Variants in NOSTRIN observed in about 807,000 individuals in gnomAD.
NOSTRIN encodes the protein nitric oxide synthase trafficking.
NOSTRIN carries 63 observed loss-of-function variants against 59.0 expected under a neutral mutation model. That is an observed-to-expected ratio of 1.07 (90% CI 0.87 to 1.32). NOSTRIN has a LOEUF of 1.32. Among genes scored for constraint, NOSTRIN ranks in the 40% most tolerant of loss-of-function variants. The pLI is 0.00. For missense variants in NOSTRIN, 512 were observed against 473.1 expected, an observed-to-expected ratio of 1.08 and a Z score of -0.76; for synonymous variants, 200 against 165.4, an observed-to-expected ratio of 1.21 and a Z score of -1.61.
intron 8 of NOSTRIN, among the ~76,000 whole-genome samples, 184 bp downstream of exon 8, chr2:168,843,301 T>A (rs1688207645): frequency 6.6e-6 from 1 of 152,216 alleles, no homozygotes; most frequent in African/African-American, 2.4e-5. Flanking sequence ...CAATTACCAG[T>A]GACAATTTAT....
Position 168,856,768 on chromosome 2 carries a change from T to TA in NOSTRIN, c.1045dup (p.Met349AsnfsTer3). The TA allele has an allele frequency of 6.2e-7, 1 of 1,613,990 alleles. No homozygotes were observed. The highest frequency in any genetic ancestry group is 8.5e-7 in the Non-Finnish European group (1 of 1,179,878). ...AAGAGCCAGAAAGACACAGCAGCGTTAATGGATGAGGTAAATGTTTGCCGA... is the reference window on the plus strand; with the variant it reads ...AAGAGCCAGAAAGACACAGCAGCGTTAAATGGATGAGGTAAATGTTTGCCGA... On this transcript the variant is annotated frameshift_variant, in exon 12 of 16. Coordinates refer to ENST00000317647, the MANE Select transcript of NOSTRIN (RefSeq NM_001039724.4). LOFTEE classifies it high-confidence loss of function.
intron 2 of NOSTRIN, among the ~76,000 whole-genome samples, chr2:168,817,249 G>A (rs371405283): frequency 1.3e-5 from 2 of 152,200 alleles, no homozygotes; most frequent in Non-Finnish European, 2.9e-5. Flanking sequence ...TGCCCTGGGT[G>A]ACCCAACATG....
intron 7 of NOSTRIN, among the ~76,000 whole-genome samples, chr2:168,840,327 G>A (rs892176540): frequency 6.6e-6 from 1 of 152,010 alleles, no homozygotes; most frequent in East Asian, 1.9e-4. Flanking sequence ...TCAGGAGATC[G>A]AGACCATCCG....
chr2:168,850,334 C>A lies in NOSTRIN; in HGVS notation c.631-750C>A, dbSNP rs577610179. Reference sequence around the variant, plus strand: ...TGTCATCTCACACAAAATAAAGAGGCTATGTGTCTACCTGCAAACAGCGGA... The same window carrying A: ...TGTCATCTCACACAAAATAAAGAGGATATGTGTCTACCTGCAAACAGCGGA... On this transcript the variant is annotated intron_variant, in intron 8 of 15. Coordinates refer to ENST00000317647, the MANE Select transcript of NOSTRIN (RefSeq NM_001039724.4). Among the ~76,000 whole-genome samples the A allele has an allele frequency of 2.6e-5, 4 of 152,282 alleles. No homozygotes were observed. In the East Asian group the frequency reaches 5.8e-4, roughly 22 times the overall value.
At chr2:168,838,164 C>T (rs1343081963) in intron 7 of NOSTRIN, among the ~76,000 whole-genome samples, 3 of 152,204 alleles carry the variant, frequency 2.0e-5, no homozygotes, top group Non-Finnish European at 2.9e-5. Flanking sequence ...TTTCTGACTC[C>T]TTAAACTCAA....
chr2:168,864,239 C>A (rs1445628584), intron 15 of NOSTRIN, among the ~76,000 whole-genome samples: 2 of 151,074 alleles, frequency 1.3e-5, no homozygotes, highest in Admixed American at 6.6e-5. Context: ...GGCCTCCCAA[C>A]GTGCTGGGAT....
intron 7 of NOSTRIN, among the ~76,000 whole-genome samples, chr2:168,836,061 C>G (rs1687700372): frequency 6.6e-6 from 1 of 152,224 alleles, no homozygotes; most frequent in African/African-American, 2.4e-5. Context: ...GTAGCTCTTT[C>G]ATCTGAAGAA....
chr2:168,857,540 C>T (rs568291657), intron 12 of NOSTRIN, among the ~76,000 whole-genome samples: 6 of 152,022 alleles, frequency 3.9e-5, no homozygotes, highest in African/African-American at 9.7e-5. Context: ...CATAGACATT[C>T]GTGGGGATTG....
chr2:168,864,294 T>TTCTGAGACAGAGTC (rs1689703891), intron 15 of NOSTRIN, among the ~76,000 whole-genome samples: 2 of 151,616 alleles, frequency 1.3e-5, no homozygotes, highest in South Asian at 2.1e-4. Flanking sequence ...TGTTTTTTTT[T>TTCTGAGACAGAGTC]TTCTGAGACA....
intron 8 of NOSTRIN, 169 bp from the exon 9 acceptor site, chr2:168,850,915 A>G: frequency 2.5e-6 from 2 of 799,298 alleles, no homozygotes; most frequent in Non-Finnish European, 4.3e-6. Flanking sequence ...AGATACCAAG[A>G]CACATTCCTT....
intron 2 of NOSTRIN, among the ~76,000 whole-genome samples, chr2:168,822,787 C>T (rs915010194): frequency 2.6e-5 from 4 of 152,120 alleles, no homozygotes; most frequent in African/African-American, 9.7e-5. Flanking sequence ...GGAGGGCATG[C>T]CCAGACTTCC....
Position 168,851,417 on chromosome 2 carries a change from T to G in NOSTRIN, c.855+13T>G. On this transcript the variant is annotated intron_variant, in intron 10 of 15. Coordinates refer to ENST00000317647, the MANE Select transcript of NOSTRIN (RefSeq NM_001039724.4). ...AACGGATTACTTTGTGAGTATGAAA[T>G]GGAAAAAAAAAGTTACATTAATGGA... 1 of 1,586,336 alleles carries G rather than the reference T, an allele frequency of 6.3e-7. No homozygotes were observed. The highest frequency in any genetic ancestry group is 1.2e-5 in the South Asian group (1 of 85,790).
At chr2:168,798,765 G>GT (rs1252579033), upstream of NOSTRIN, among the ~76,000 whole-genome samples, 1 of 152,108 alleles carries the variant, frequency 6.6e-6, no homozygotes, top group African/African-American at 2.4e-5. Context: ...TTCAGAAAGT[G>GT]TGAATGGCAT....
intron 14 of NOSTRIN, 86 bp downstream of exon 14, chr2:168,860,995 T>G (rs992752274): frequency 1.2e-6 from 1 of 822,838 alleles, no homozygotes; most frequent in African/African-American, 1.7e-5. Flanking sequence ...AGAGCCACTT[T>G]GACCTGTATC....
upstream of NOSTRIN, among the ~76,000 whole-genome samples, chr2:168,795,107 T>C (rs934053259): frequency 1.3e-4 from 20 of 152,214 alleles, no homozygotes; most frequent in African/African-American, 4.8e-4. Context: ...CAATGATTTA[T>C]AGGAAATAAC....
chr2:168,860,718 G>A, intron 13 of NOSTRIN, 77 bp from the exon 14 acceptor site: 2 of 892,498 alleles, frequency 2.2e-6, no homozygotes, highest in Non-Finnish European at 3.5e-6. Flanking sequence ...GAGGAAAACA[G>A]CTACAGAAGA....
At chr2:168,799,523 T>C (rs1685563270), upstream of NOSTRIN, among the ~76,000 whole-genome samples, 1 of 152,172 alleles carries the variant, frequency 6.6e-6, no homozygotes, top group African/African-American at 2.4e-5. Flanking sequence ...CCTCAGTGGC[T>C]GAAGACAACT....
intron 8 of NOSTRIN, among the ~76,000 whole-genome samples, chr2:168,846,327 T>C (rs1688421437): frequency 1.3e-5 from 2 of 152,202 alleles, no homozygotes; most frequent in South Asian, 4.1e-4. Flanking sequence ...CTCCATTCTT[T>C]CACCATTCTT....
chr2:168,824,596 G>A (rs756836616), intron 2 of NOSTRIN, 38 bp from the exon 3 acceptor site: 3 of 864,940 alleles, frequency 3.5e-6, no homozygotes, highest in South Asian at 1.3e-5. Context: ...ACTGTGCCCA[G>A]CCCAGTACAT....
Sources: allele counts gnomAD v4.1 joint callset (sites outside exome capture counted in the v4.1 genomes callset), GRCh38; gene constraint gnomAD v4.1.1; transcripts MANE v1.5; gene names NCBI Gene and HGNC (gene_info 2026-07-23, HGNC 2026-07-21).